The following PARS2 variants were observed in gnomAD, a reference collection of about 807,000 sequenced individuals.
PARS2 encodes the protein probable proline--tRNA ligase, mitochondrial.
PARS2 carries 20 observed loss-of-function variants against 27.4 expected under a neutral mutation model. The observed-to-expected ratio is 0.73, with a 90% CI of 0.51 to 1.06. The LOEUF is 1.06. Ranked by LOEUF, PARS2 falls within the 50% of genes least tolerant of loss-of-function variation. The probability of loss-of-function intolerance (pLI) is 0.00; values close to 1 mark genes in which losing one functional copy is unlikely to be tolerated. For synonymous variants in PARS2, 240 were observed against 247.1 expected (o/e 0.97, Z 0.27); for missense variants, 585 against 602.1 (o/e 0.97, Z 0.30).
Position 54,758,319 on chromosome 1 carries a change from G to A in PARS2, c.843C>T (p.Asn281=), listed in dbSNP as rs145005088. The change falls in exon 2 of 2, where the codon AAC becomes AAT. Residue 281 remains asparagine (N), a synonymous_variant. Transcript: ENST00000371279. The stretch of plus-strand genomic sequence containing the variant: ...TTTGTGACAAGTCTAGTGTCTCCAT[G>A]TTGGCTGAGAAGCTGCAGCGGGGAC... ...AICPRCSFSA[N]METLDLSQMN... 4.8e-3 allele frequency: 7,700 copies of A among 1,614,214 alleles called. 31 individuals are homozygous for A. Among genetic ancestry groups the A allele is most frequent in the Middle Eastern group, 9.6e-3 (58 of 6,062 alleles).
intron 1 of PARS2, among the ~76,000 whole-genome samples, chr1:54,761,023 C>T (rs1160480991): frequency 1.3e-5 from 2 of 152,206 alleles, no homozygotes; most frequent in African/African-American, 2.4e-5. Context: ...CGTGATCCAA[C>T]TGCCTCGGCC....
In PARS2 at chr1:54,757,668, T is replaced by A. The variant is rs998435479; in HGVS notation, c.*66A>T. The stretch of plus-strand genomic sequence containing the variant: ...GAGAGAGCAGTCCAGGAAAGGGGTG[T>A]AGGAAAATGCAGTGTTAGAACGAAC... On this transcript the variant is annotated 3_prime_UTR_variant, in exon 2 of 2. Transcript: ENST00000371279. The A allele has an allele frequency of 3.0e-5, 31 of 1,048,268 alleles. No homozygotes were observed. The highest frequency in any genetic ancestry group is 3.8e-5 in the Non-Finnish European group (27 of 705,934). The allele number at this position is 1,048,268 out of a possible 1,614,324, so 64.9% of individuals were successfully genotyped here.
intron 1 of PARS2, among the ~76,000 whole-genome samples, chr1:54,763,787 ATTCT>A (rs1646170006): frequency 6.6e-6 from 1 of 152,178 alleles, no homozygotes; most frequent in African/African-American, 2.4e-5. Context: ...CTTTTTAAAG[ATTCT>A]TTGACTCACC....
intron 1 of PARS2, 64 bp from the exon 2 acceptor site, chr1:54,759,254 A>C (rs1570090225): frequency 9.8e-7 from 1 of 1,020,882 alleles, no homozygotes. Flanking sequence ...GAAGCAGCCA[A>C]CCCAGCCTGC....
At chr1:54,760,208 G>A (rs370795290) in intron 1 of PARS2, among the ~76,000 whole-genome samples, 1 of 152,166 alleles carries the variant, frequency 6.6e-6, no homozygotes, top group Admixed American at 6.5e-5. Flanking sequence ...TGCATGCTGA[G>A]AGCTGACTCA....
At chr1:54,764,290 C>G (rs1038199899) in intron 1 of PARS2, among the ~76,000 whole-genome samples, 171 bp downstream of exon 1, 1 of 152,210 alleles carries the variant, frequency 6.6e-6, no homozygotes, top group East Asian at 1.9e-4. Context: ...GACACGGAGA[C>G]CAGGAGTATC....
chr1:54,757,339 G>T lies in PARS2; in HGVS notation c.*395C>A, dbSNP rs1557761968. On this transcript the variant is annotated 3_prime_UTR_variant, in exon 2 of 2. Transcript: ENST00000371279. Reference sequence around the variant, plus strand: ...GCCCGTGGTCAAACTGATACGGGGTGGGGAAGGTTGGTGGGCTCTCAGCCA... The same window carrying T: ...GCCCGTGGTCAAACTGATACGGGGTTGGGAAGGTTGGTGGGCTCTCAGCCA... 6.1e-6 allele frequency: 1 copy of T among 164,096 alleles called. No individual in the cohort carries two copies. The highest frequency in any genetic ancestry group is 2.4e-5 in the African/African-American group (1 of 41,772). 10.2% of individuals were successfully genotyped at this position (164,096 alleles called of 1,614,324 possible). A position where few individuals can be genotyped will look rare whatever the true frequency, so the allele number is the denominator to read the frequency against.
In PARS2 at chr1:54,759,038, G is replaced by A; in HGVS notation, c.124C>T (p.Leu42=). ...TTCTGTGGCTGGAACACACGAGACA[G>A]CAGCAGGCGCCGCCCTCTTCTTGGG... ...CAPRRGRRLL[L]SRVFQPQNLR... The change falls in exon 2 of 2, where the codon CTG becomes TTG. Residue 42 remains leucine (L), a synonymous_variant. Transcript: ENST00000371279. 6.2e-7 allele frequency: 1 copy of A among 1,614,140 alleles called. No individual in the cohort carries two copies. Among genetic ancestry groups the A allele is most frequent in the Non-Finnish European group, 8.5e-7 (1 of 1,180,024 alleles).
At chr1:54,761,655 T>G (rs534145804) in intron 1 of PARS2, among the ~76,000 whole-genome samples, 1 of 152,294 alleles carries the variant, frequency 6.6e-6, no homozygotes, top group Admixed American at 6.5e-5. Context: ...GCAACAAAGC[T>G]CCCGGCAGTA....
chr1:54,758,017 T>C lies in PARS2; in HGVS notation c.1145A>G (p.Lys382Arg), dbSNP rs1646131534. ...TATGAGCTCGGAGGCCGCCTGCTCC[T>C]TACTGCCCTTCTTAGGGGGGATGAG... ...ACLIPPKKGS[K>R]EQAASELIGQ... The change falls in exon 2 of 2, where the codon AAG (lysine) becomes AGG (arginine). Residue 382 changes from lysine (K) to arginine (R), a missense_variant. Lys to Arg is a conservative substitution (Grantham distance 26). Coordinates refer to ENST00000371279, the MANE Select transcript of PARS2 (RefSeq NM_152268.4). 2 of 1,614,146 alleles carry C rather than the reference T, an allele frequency of 1.2e-6. No homozygotes were observed. The highest frequency in any genetic ancestry group is 4.5e-5 in the East Asian group (2 of 44,878).
At chr1:54,761,113 C>G (rs1189638534) in intron 1 of PARS2, among the ~76,000 whole-genome samples, 1 of 152,124 alleles carries the variant, frequency 6.6e-6, no homozygotes, top group Non-Finnish European at 1.5e-5. Flanking sequence ...CCCTTTTGCA[C>G]AGAACACCCC....
At chr1:54,763,378 G>C (rs1026200966) in intron 1 of PARS2, among the ~76,000 whole-genome samples, 1 of 152,140 alleles carries the variant, frequency 6.6e-6, no homozygotes, top group African/African-American at 2.4e-5. Context: ...CAGTGTCGAT[G>C]TTTAACATTC....
At position 54,758,288 on chromosome 1, in the gene PARS2, A is replaced by C. The variant is rs779085274; in HGVS notation, c.874T>G (p.Cys292Gly). ...GTCAATGGGCCCTGGCAAGCAGGGC[A>C]GTTCATTTGTGACAAGTCTAGTGTC... is the stretch of plus-strand genomic sequence containing the variant. Reference protein sequence around the residue: ...METLDLSQMNCPACQGPLTKT... With the variant: ...METLDLSQMNGPACQGPLTKT... Residue 292 changes from cysteine to glycine, a missense_variant, in exon 2 of 2, where the codon TGC becomes GGC. Physicochemically the swap from Cys to Gly is radical, Grantham distance 159. Transcript: ENST00000371279. 6.2e-7 allele frequency: 1 copy of C among 1,614,232 alleles called. No homozygotes were observed. The highest frequency in any genetic ancestry group is 1.1e-5 in the South Asian group (1 of 91,092).
At chr1:54,761,240 A>G (rs978842225) in intron 1 of PARS2, among the ~76,000 whole-genome samples, 8 of 152,084 alleles carry the variant, frequency 5.3e-5, no homozygotes, top group Admixed American at 2.6e-4. Flanking sequence ...CTTTTCCCGC[A>G]TAGCCCACTT....
At chr1:54,763,866 T>C (rs1425768615) in intron 1 of PARS2, among the ~76,000 whole-genome samples, 1 of 152,096 alleles carries the variant, frequency 6.6e-6, no homozygotes, top group African/African-American at 2.4e-5. Context: ...TGATACATAA[T>C]ATTAAGTCTC....
rs1226969669 is a variant in PARS2 at position 54,757,753 on chromosome 1, G to A, written c.1409C>T (p.Thr470Ile). 1.9e-6 allele frequency: 3 copies of A among 1,611,094 alleles called. No homozygotes were observed. Among genetic ancestry groups the A allele is most frequent in the Non-Finnish European group, 2.5e-6 (3 of 1,178,282 alleles). Residue 470 changes from threonine (T) to isoleucine (I), a missense_variant, in exon 2 of 2, where the codon ACC becomes ATC. Thr to Ile is a moderately conservative substitution (Grantham distance 89). Transcript: ENST00000371279. ...GGGCATTTAGACAGTCTGCACTGGG[G>A]TCAGTAAATCCATGACTCCATCTTT... ...LTKDGVMDLLTPVQTV is the reference protein window; with the variant it reads ...LTKDGVMDLLIPVQTV
chr1:54,763,416 G>C (rs192834862), intron 1 of PARS2, among the ~76,000 whole-genome samples: 1 of 152,276 alleles, frequency 6.6e-6, no homozygotes, highest in East Asian at 1.9e-4. Flanking sequence ...ACAAGTTTAT[G>C]AAGTTTTATA....
chr1:54,759,244 G>A, intron 1 of PARS2, 54 bp from the exon 2 acceptor site: 1 of 1,160,146 alleles, frequency 8.6e-7, no homozygotes, highest in Non-Finnish European at 1.2e-6. Context: ...CCAACACCAT[G>A]AAGCAGCCAA....
intron 1 of PARS2, among the ~76,000 whole-genome samples, chr1:54,761,212 A>T (rs1194067480): frequency 3.3e-5 from 5 of 151,892 alleles, no homozygotes; most frequent in African/African-American, 1.2e-4. Context: ...CCCACTCCCC[A>T]TACCCCCAAA....
Sources: gnomAD v4.1 joint callset for allele counts (sites outside exome capture counted in the v4.1 genomes callset) on GRCh38, gnomAD v4.1.1 for gene constraint, MANE v1.5 for transcripts, NCBI Gene and HGNC (gene_info 2026-07-23, HGNC 2026-07-21) for gene names.